Variants in HHAT observed in about 807,000 individuals in gnomAD.
The protein encoded by HHAT is hedgehog acyltransferase.
A neutral mutation model predicts 70.8 loss-of-function variants in HHAT; 47 were observed. That is an observed-to-expected ratio of 0.66 (90% confidence interval 0.53 to 0.85). HHAT has a LOEUF of 0.85. HHAT is among the 40% of genes least tolerant of loss of function. The pLI is 0.00. For missense variants in HHAT, 609 were observed against 604.8 expected (o/e 1.01, Z -0.07); for synonymous variants, 228 against 247.6 (o/e 0.92, Z 0.74).
chr1:210,612,730 C>G (rs1666850904), intron 10 of HHAT, among the ~76,000 whole-genome samples: 1 of 152,148 alleles, frequency 6.6e-6, no homozygotes, highest in Admixed American at 6.5e-5. Context: ...ATACCGTTTT[C>G]CACAGTGGCT....
chr1:210,448,232 C>T (rs990863287), intron 7 of HHAT, among the ~76,000 whole-genome samples: 1 of 152,074 alleles, frequency 6.6e-6, no homozygotes, highest in African/African-American at 2.4e-5. Context: ...CAGGCGCCTG[C>T]CACCATGCCT....
intron 10 of HHAT, 24 bp downstream of exon 10, chr1:210,588,123 G>A: frequency 6.4e-7 from 1 of 1,558,664 alleles, no homozygotes; most frequent in Non-Finnish European, 8.7e-7. Context: ...TTGCTGCTGT[G>A]TTAGGGGACA....
chr1:210,387,494 C>T lies in HHAT; in HGVS notation c.186C>T (p.Phe62=). Residue 62 remains phenylalanine (F), a synonymous_variant, in exon 4 of 12, where the codon TTC becomes TTT. Transcript: ENST00000261458. ...KKDATDFEWS[F]WMEWGKQWLV... ...ATGCGACCGACTTTGAGTGGAGCTT[C>T]TGGATGGAATGGGGGAAGCAGTGGC... 1 of 1,614,134 alleles carries T rather than the reference C, an allele frequency of 6.2e-7. No homozygotes were observed. The highest frequency in any genetic ancestry group is 8.5e-7 in the Non-Finnish European group (1 of 1,180,016).
chr1:210,570,926 G>A (rs1271768820), intron 9 of HHAT, among the ~76,000 whole-genome samples: 6 of 152,196 alleles, frequency 3.9e-5, no homozygotes, highest in Admixed American at 3.9e-4. Flanking sequence ...AAGTGTTAAA[G>A]CCCACAGCTT....
At chr1:210,331,302 G>C (rs944848643) in intron 1 of HHAT, among the ~76,000 whole-genome samples, 3 of 152,038 alleles carry the variant, frequency 2.0e-5, no homozygotes, top group African/African-American at 7.3e-5. Flanking sequence ...CTTATGTCCA[G>C]CCTACTTCAT....
intron 11 of HHAT, 33 bp downstream of exon 11, chr1:210,623,703 TTTC>T (rs1203752101): frequency 3.4e-5 from 55 of 1,604,434 alleles, no homozygotes; most frequent in Non-Finnish European, 4.6e-5. Flanking sequence ...TTTCAGTCAG[TTTC>T]TTGTTTTCCA....
intron 7 of HHAT, among the ~76,000 whole-genome samples, chr1:210,452,102 AG>A (rs2093767659): frequency 6.6e-6 from 1 of 152,242 alleles, no homozygotes; most frequent in African/African-American, 2.4e-5. Flanking sequence ...ATCTTGTTAT[AG>A]AAAGATATTC....
chr1:210,451,003 T>C (rs536888641), intron 7 of HHAT, among the ~76,000 whole-genome samples: 1,839 of 148,086 alleles, frequency 0.012, 30 homozygotes, highest in African/African-American at 0.042. Flanking sequence ...AGGAGAATGG[T>C]GTGAACCCGG....
chr1:210,583,008 A>T (rs1031444902), intron 9 of HHAT, among the ~76,000 whole-genome samples: 1 of 152,218 alleles, frequency 6.6e-6, no homozygotes, highest in Non-Finnish European at 1.5e-5. Context: ...AACGAGAAAT[A>T]TATCAGTGAA....
At chr1:210,437,219 T>C (rs2148344869) in intron 7 of HHAT, among the ~76,000 whole-genome samples, 1 of 152,006 alleles carries the variant, frequency 6.6e-6, no homozygotes, top group East Asian at 1.9e-4. Flanking sequence ...GGCTAACTGC[T>C]TTTGAATGAT....
intron 3 of HHAT, among the ~76,000 whole-genome samples, chr1:210,386,270 G>A (rs1371390863): frequency 5.3e-5 from 4 of 74,972 alleles, no homozygotes; most frequent in African/African-American, 1.6e-4. Context: ...ACAGAGTCTC[G>A]CTCTGTCGCC....
intron 10 of HHAT, among the ~76,000 whole-genome samples, chr1:210,594,467 T>A (rs1249980935): frequency 6.6e-6 from 1 of 152,204 alleles, no homozygotes; most frequent in Non-Finnish European, 1.5e-5. Flanking sequence ...TTGTTTGCAC[T>A]GCTTTTAACT....
chr1:210,579,084 G>A (rs762628754), intron 9 of HHAT, among the ~76,000 whole-genome samples: 1 of 152,144 alleles, frequency 6.6e-6, no homozygotes, highest in Non-Finnish European at 1.5e-5. Flanking sequence ...ACTTATAAGT[G>A]GGAGCTAAAA....
chr1:210,564,889 T>G (rs1203723421), intron 9 of HHAT, among the ~76,000 whole-genome samples: 2 of 151,984 alleles, frequency 1.3e-5, no homozygotes, highest in Non-Finnish European at 2.9e-5. Context: ...TTAGAGACTG[T>G]GTGTAGACTG....
intron 1 of HHAT, among the ~76,000 whole-genome samples, chr1:210,342,007 G>A (rs749900421): frequency 6.6e-6 from 1 of 151,962 alleles, no homozygotes; most frequent in African/African-American, 2.4e-5. Context: ...ACAACATTTA[G>A]CTTCAAGATC....
chr1:210,577,589 T>C (rs1040657505), intron 9 of HHAT, among the ~76,000 whole-genome samples: 1 of 151,936 alleles, frequency 6.6e-6, no homozygotes, highest in Non-Finnish European at 1.5e-5. Flanking sequence ...GCTAGTATTT[T>C]GTTGAATGTT....
chr1:210,376,572 A>G (rs1239110287), intron 3 of HHAT, among the ~76,000 whole-genome samples: 8 of 152,008 alleles, frequency 5.3e-5, no homozygotes, highest in African/African-American at 1.9e-4. Flanking sequence ...ACTGTGGGGG[A>G]AGGATGGGGC....
chr1:210,623,281 C>CT (rs1669217014), intron 10 of HHAT, among the ~76,000 whole-genome samples: 1 of 152,102 alleles, frequency 6.6e-6, no homozygotes, highest in African/African-American at 2.4e-5. Context: ...ACTATGTTGC[C>CT]TAGGCTGGTC....
At chr1:210,419,944 A>T (rs2092844089) in intron 7 of HHAT, among the ~76,000 whole-genome samples, 1 of 152,218 alleles carries the variant, frequency 6.6e-6, no homozygotes, top group African/African-American at 2.4e-5. Context: ...GGGCTTAAAC[A>T]ATAAGGAAGT....
Sources: allele counts gnomAD v4.1 joint callset (sites outside exome capture counted in the v4.1 genomes callset), GRCh38; gene constraint gnomAD v4.1.1; transcripts MANE v1.5; gene names NCBI Gene and HGNC (gene_info 2026-07-23, HGNC 2026-07-21).